MEPE: variants seen among roughly 807,000 people sequenced by gnomAD.
MEPE encodes the protein matrix extracellular phosphoglycoprotein, also known as matrix, extracellular phosphoglycoprotein with ASARM motif (bone).
Under a neutral mutation model 7.3 loss-of-function variants are expected in MEPE, and 7 were observed. The ratio of observed to expected loss-of-function variants is 0.95; its 90% CI spans 0.54 to 1.79. The LOEUF is 1.79. MEPE is among the 40% of genes most tolerant of loss of function. The pLI is 0.00. For synonymous variants in MEPE, 214 were observed against 213.1 expected, an observed-to-expected ratio of 1.00 and a Z score of -0.04; for missense variants, 623 against 628.2, an observed-to-expected ratio of 0.99 and a Z score of 0.09.
intron 2 of MEPE, among the ~76,000 whole-genome samples, chr4:87,836,010 C>G (rs1722774540): frequency 6.6e-6 from 1 of 151,934 alleles, no homozygotes; most frequent in Non-Finnish European, 1.5e-5. Flanking sequence ...CACATTCAAG[C>G]CTAAGACATC....
At chr4:87,825,849 TCCAACAGGCCC>T (rs1722450390) in intron 1 of MEPE, among the ~76,000 whole-genome samples, 1 of 152,118 alleles carries the variant, frequency 6.6e-6, no homozygotes, top group African/African-American at 2.4e-5. Context: ...ATACCCCACC[TCCAACAGGCCC>T]CAGTGTGTGT....
At chr4:87,843,218 C>T (rs976027360) in intron 3 of MEPE, among the ~76,000 whole-genome samples, 1 of 152,186 alleles carries the variant, frequency 6.6e-6, no homozygotes, top group Non-Finnish European at 1.5e-5. Context: ...ACTGTTCCTC[C>T]TAAATCCTTA....
At chr4:87,833,099 G>A (rs1578054561) in intron 1 of MEPE, 85 bp downstream of exon 1, 1 of 152,236 alleles carries the variant, frequency 6.6e-6, no homozygotes, top group Non-Finnish European at 1.5e-5. Context: ...CCCAAGTATG[G>A]TTTTATTACT....
chr4:87,834,440 A>G (rs940706945), intron 1 of MEPE, among the ~76,000 whole-genome samples: 6 of 152,216 alleles, frequency 3.9e-5, no homozygotes, highest in African/African-American at 1.4e-4. Flanking sequence ...TATAAAATAT[A>G]TTTCTATCAA....
At chr4:87,831,845 T>A (rs143891634), upstream of MEPE, among the ~76,000 whole-genome samples, 845 of 152,202 alleles carry the variant, frequency 5.6e-3, 26 homozygotes, top group Admixed American at 0.042. Flanking sequence ...TTTTTCTTAT[T>A]TCTTCTTCCT....
intron 1 of MEPE, among the ~76,000 whole-genome samples, chr4:87,821,858 C>G (rs1241764469): frequency 5.9e-5 from 9 of 152,112 alleles, no homozygotes; most frequent in African/African-American, 1.9e-4. Context: ...CCCCTGAGCA[C>G]CATAAAGCTG....
rs757464773 is a variant in MEPE at position 87,845,620 on chromosome 4, A to C, written c.752A>C (p.Asp251Ala). 6.2e-7 allele frequency: 1 copy of C among 1,613,916 alleles called. No individual in the cohort carries two copies. Among genetic ancestry groups the C allele is most frequent in the Admixed American group, 1.7e-5 (1 of 59,980 alleles). ...YTDLQERGDN[D>A]ISPFSGDGQP... ...GATCTTCAAGAGAGAGGGGACAATG[A>C]TATATCTCCTTTCAGTGGGGACGGC... is the stretch of plus-strand genomic sequence containing the variant. The change falls in exon 4 of 4, where the codon GAT becomes GCT. Residue 251 changes from aspartate (D) to alanine (A), a missense_variant. By Grantham distance (126) the Asp-to-Ala change is moderately radical (BLOSUM62 -2). Coordinates refer to ENST00000361056, the MANE Select transcript of MEPE (RefSeq NM_020203.6).
intron 1 of MEPE, among the ~76,000 whole-genome samples, chr4:87,823,973 G>A (rs2904180): frequency 0.33 from 49,881 of 152,006 alleles, 8,504 homozygotes; most frequent in Admixed American, 0.35. Context: ...GAAGAATAAA[G>A]GTTCTCATGC....
At chr4:87,840,107 A>T (rs13130999) in intron 3 of MEPE, 1 of 1,518,632 alleles carries the variant, frequency 6.6e-7, no homozygotes. Context: ...GTGTTTTATA[A>T]GAAAGTTTTC....
chr4:87,837,207 T>C (rs1722829410), intron 2 of MEPE, among the ~76,000 whole-genome samples: 1 of 151,944 alleles, frequency 6.6e-6, no homozygotes, highest in African/African-American at 2.4e-5. Context: ...TTACCAGGCT[T>C]AGGGCTGGAA....
At chr4:87,833,097 T>C (rs1468009065) in intron 1 of MEPE, 83 bp downstream of exon 1, 2 of 152,212 alleles carry the variant, frequency 1.3e-5, no homozygotes, top group Admixed American at 1.3e-4. Context: ...CACCCAAGTA[T>C]GGTTTTATTA....
chr4:87,829,401 C>A (rs1004461267), upstream of MEPE, among the ~76,000 whole-genome samples: 11 of 152,050 alleles, frequency 7.2e-5, no homozygotes, highest in Non-Finnish European at 1.2e-4. Flanking sequence ...TATCCTAGAA[C>A]ACAGGTTTTT....
At chr4:87,829,274 T>A (rs1322506660), upstream of MEPE, among the ~76,000 whole-genome samples, 2 of 152,172 alleles carry the variant, frequency 1.3e-5, no homozygotes, top group Non-Finnish European at 2.9e-5. Flanking sequence ...AATTTTTTTA[T>A]GTAGCTTTGA....
rs758762875 is a variant in MEPE at position 87,846,203 on chromosome 4, T to C, written c.1335T>C (p.Asn445=). 22 of 1,613,882 alleles carry C rather than the reference T, an allele frequency of 1.4e-5. No individual in the cohort carries two copies. Among genetic ancestry groups the C allele is most frequent in the Non-Finnish European group, 1.6e-5 (19 of 1,179,980 alleles). The change falls in exon 4 of 4, where the codon AAT becomes AAC. Residue 445 remains asparagine (N), a synonymous_variant. Transcript: ENST00000361056. The part of the protein sequence containing the change: ...GLPIPSRGLD[N]EIKNEMDSFN... The stretch of plus-strand genomic sequence containing the variant: ...CCATTCCTTCTCGTGGTCTTGATAA[T>C]GAAATCAAAAACGAAATGGATTCCT...
intron 1 of MEPE, among the ~76,000 whole-genome samples, chr4:87,822,774 G>A (rs902280819): frequency 8.5e-5 from 13 of 152,178 alleles, no homozygotes; most frequent in Non-Finnish European, 1.6e-4. Context: ...CTAAAGAGAC[G>A]AATGAGAAAT....
rs565539226 is a variant in MEPE, at chr4:87,824,644, T to C, written c.-13+3173T>C. ...CCCTTTTAGATGATTGTATAAACTATGATCATTTTGAAAATGTTGTTGTCA... is the reference window on the plus strand; with the variant it reads ...CCCTTTTAGATGATTGTATAAACTACGATCATTTTGAAAATGTTGTTGTCA... On this transcript the variant is annotated intron_variant, in intron 1 of 3. Transcript: ENST00000424957. Among the ~76,000 whole-genome samples, 74 of 152,362 alleles carry C rather than the reference T, an allele frequency of 4.9e-4. No homozygotes were observed. In the South Asian group the frequency reaches 0.015, roughly 31 times the overall value.
At chr4:87,839,986 C>T in intron 3 of MEPE, 1 of 1,535,496 alleles carries the variant, frequency 6.5e-7, no homozygotes, top group South Asian at 1.2e-5. Flanking sequence ...ATCCCCATCC[C>T]ATGCCTCGGC....
At chr4:87,834,610 G>A in intron 1 of MEPE, 93 bp from the exon 2 acceptor site, 1 of 917,986 alleles carries the variant, frequency 1.1e-6, no homozygotes, top group Non-Finnish European at 1.7e-6. Flanking sequence ...AAGGGGAAGG[G>A]TGTTTATATA....
chr4:87,831,572 C>G (rs371851101), upstream of MEPE, among the ~76,000 whole-genome samples: 400 of 152,268 alleles, frequency 2.6e-3, 1 homozygote, highest in African/African-American at 8.9e-3. Context: ...GGGATTATTA[C>G]AAGAGCTTCC....
Sources: gnomAD v4.1 joint callset for allele counts (sites outside exome capture counted in the v4.1 genomes callset) on GRCh38, gnomAD v4.1.1 for gene constraint, MANE v1.5 for transcripts, NCBI Gene and HGNC (gene_info 2026-07-23, HGNC 2026-07-21) for gene names.